The following NPEPL1 variants were observed in gnomAD, a reference collection of about 807,000 sequenced individuals.
NPEPL1 encodes the protein aminopeptidase like 1, also known as probable aminopeptidase NPEPL1.
A neutral mutation model predicts 52.4 loss-of-function variants in NPEPL1; 45 were observed. The ratio of observed to expected loss-of-function variants is 0.86; its 90% CI spans 0.68 to 1.10. NPEPL1 has a LOEUF of 1.10. Among genes scored for constraint, NPEPL1 ranks in the 50% least tolerant of loss-of-function variants. The probability of loss-of-function intolerance (pLI) is 0.00; values close to 1 mark genes in which losing one functional copy is unlikely to be tolerated. For synonymous variants in NPEPL1, 360 were observed against 314.7 expected, an observed-to-expected ratio of 1.14 and a Z score of -1.52; for missense variants, 696 against 710.9, an observed-to-expected ratio of 0.98 and a Z score of 0.24.
At chr20:58,708,679 T>C (rs1248145782) in intron 7 of NPEPL1, among the ~76,000 whole-genome samples, 3 of 152,308 alleles carry the variant, frequency 2.0e-5, no homozygotes, top group East Asian at 3.9e-4. Flanking sequence ...CCCAGCATCA[T>C]AGGCCACGGG....
chr20:58,704,028 A>G (rs928113286), intron 6 of NPEPL1: 18 of 985,256 alleles, frequency 1.8e-5, no homozygotes, highest in East Asian at 1.1e-4. Context: ...GAACCGTTCT[A>G]CGTGGATTTG....
upstream of NPEPL1, chr20:58,691,693 CTTT>C (rs11471424): frequency 0.021 from 11,671 of 557,476 alleles, 19 homozygotes; most frequent in East Asian, 0.028. Context: ...TTTTTCTTTT[CTTT>C]TTTTTTTTTT....
chr20:58,707,150 T>C lies in NPEPL1; in HGVS notation c.850T>C (p.Cys284Arg). 1.3e-6 allele frequency: 2 copies of C among 1,552,686 alleles called. No homozygotes were observed. The highest frequency in any genetic ancestry group is 1.7e-6 in the Non-Finnish European group (2 of 1,147,834). The change falls in exon 7 of 12, where the codon TGC becomes CGC. Residue 284 changes from cysteine to arginine, a missense_variant. Cys to Arg is a radical substitution (Grantham distance 180). Transcript: ENST00000356091. ...KTTMPGMKRD[C>R]GGAAAVLGAF... ...TACCATGCCGGGGATGAAGCGAGAC[T>C]GCGGGGGTGCTGCGGCCGTCCTGGG...
chr20:58,690,979 A>C (rs2084333323), upstream of NPEPL1: 1 of 635,758 alleles, frequency 1.6e-6, no homozygotes, highest in Non-Finnish European at 2.9e-6. Context: ...TTCTGTTCTA[A>C]CCACACAGGT....
chr20:58,691,891 C>G, upstream of NPEPL1: 1 of 1,045,800 alleles, frequency 9.6e-7, no homozygotes, highest in East Asian at 2.6e-5. Flanking sequence ...ATCGTCATTC[C>G]CTGACCCTTG....
chr20:58,706,269 C>T (rs1392496705), intron 6 of NPEPL1, among the ~76,000 whole-genome samples: 1 of 152,200 alleles, frequency 6.6e-6, no homozygotes, highest in African/African-American at 2.4e-5. Context: ...GCCCCTTCTT[C>T]TGGCGATAGA....
At position 58,713,805 on chromosome 20, in the gene NPEPL1, G is replaced by A. The variant is rs920708886; in HGVS notation, c.1126-112G>A. 4 of 1,239,886 alleles carry A rather than the reference G, an allele frequency of 3.2e-6. No homozygotes were observed. The African/African-American group carries it at 4.6e-5, about 14-fold the overall frequency. 76.8% of individuals were successfully genotyped at this position (1,239,886 alleles called of 1,614,324 possible). ...TGTGTTTTTTCTTTTTTTCTCAACC[G>A]TCTCTTTTCTGGCTCCCTTATTTCT... On this transcript the variant is annotated intron_variant, in intron 9 of 11. Coordinates refer to ENST00000356091, the MANE Select transcript of NPEPL1 (RefSeq NM_024663.4). The surrounding 1 kb of genome is among the most constrained non-coding windows in gnomAD (Gnocchi z 4.6).
chr20:58,695,649 C>T (rs1026717496), intron 3 of NPEPL1, among the ~76,000 whole-genome samples: 4 of 152,216 alleles, frequency 2.6e-5, no homozygotes, highest in Non-Finnish European at 5.9e-5. Context: ...GCACTTGGGC[C>T]ACACCTCATT....
rs1003660059 is a variant in NPEPL1, at chr20:58,703,459, T to G, written c.822+2301T>G. ...ACTGCCTGCACCTGGTACTGGCTGC[T>G]CCCACCCTCGCACGCACCCTCAATA... On this transcript the variant is annotated intron_variant, in intron 6 of 11. Transcript: ENST00000356091. 4 of 982,652 alleles carry G rather than the reference T, an allele frequency of 4.1e-6. No individual in the cohort carries two copies. In the African/African-American group the frequency reaches 7.3e-5, roughly 18 times the overall value. The allele number at this position is 982,652 out of a possible 1,614,324, so 60.9% of individuals were successfully genotyped here.
At chr20:58,690,665 C>G (rs554548860), upstream of NPEPL1, among the ~76,000 whole-genome samples, 1 of 152,332 alleles carries the variant, frequency 6.6e-6, no homozygotes, top group South Asian at 2.1e-4. Flanking sequence ...CTAACGTTTT[C>G]TCTTGCTTTG....
rs962252346 is a variant in NPEPL1 at position 58,699,350 on chromosome 20, C to T, written c.679+72C>T. 7.4e-5 allele frequency: 85 copies of T among 1,143,390 alleles called. 2 individuals carry two copies. In the South Asian group the frequency reaches 1.1e-3, roughly 15 times the overall value. 70.8% of individuals were successfully genotyped at this position (1,143,390 alleles called of 1,614,324 possible). A position where few individuals can be genotyped will look rare whatever the true frequency, so the allele number is the denominator to read the frequency against. ...CAGGGGCACTTGGGTGGCAGGGGGTCGGCGGGCCACATGGCACATTGTCCC... is the reference window on the plus strand; with the variant it reads ...CAGGGGCACTTGGGTGGCAGGGGGTTGGCGGGCCACATGGCACATTGTCCC... On this transcript the variant is annotated intron_variant, in intron 5 of 11. Transcript: ENST00000356091.
In NPEPL1 at chr20:58,713,416, C is replaced by G; in HGVS notation, c.1002-4C>G. ...CCTGAGCGGGGATCTCTACCATGCCCCAGGACGGTGGAAATCAACAACACG... is the reference window on the plus strand; with the variant it reads ...CCTGAGCGGGGATCTCTACCATGCCGCAGGACGGTGGAAATCAACAACACG... On this transcript the variant is annotated splice_polypyrimidine_tract_variant and splice_region_variant and intron_variant, in intron 8 of 11. Coordinates refer to ENST00000356091, the MANE Select transcript of NPEPL1 (RefSeq NM_024663.4). This position sits in a 1 kb window ranked among gnomAD's most constrained non-coding sequence, Gnocchi z 4.6. 6.2e-7 allele frequency: 1 copy of G among 1,602,646 alleles called. No individual in the cohort carries two copies. The highest frequency in any genetic ancestry group is 1.3e-5 in the African/African-American group (1 of 74,876).
Position 58,692,906 on chromosome 20 carries a change from G to T in NPEPL1, c.6G>T (p.Ala2=). M[A]NVGLQFQASA... ...GGGCGTGGGCCGGCAGGAAGATGGCGAACGTGGGGCTGCAGTTCCAGGCGA... is the reference window on the plus strand; with the variant it reads ...GGGCGTGGGCCGGCAGGAAGATGGCTAACGTGGGGCTGCAGTTCCAGGCGA... Residue 2 remains alanine (A), a synonymous_variant, in exon 1 of 12, where the codon GCG becomes GCT. Transcript: ENST00000356091. The surrounding 1 kb of genome is among the most constrained non-coding windows in gnomAD (Gnocchi z 5.7). 1 of 1,070,930 alleles carries T rather than the reference G, an allele frequency of 9.3e-7. No individual in the cohort carries two copies. Among genetic ancestry groups the T allele is most frequent in the East Asian group, 6.1e-5 (1 of 16,316 alleles). 66.3% of individuals were successfully genotyped at this position (1,070,930 alleles called of 1,614,324 possible).
chr20:58,702,733 ACTAT>A (rs1430326361), intron 6 of NPEPL1, among the ~76,000 whole-genome samples: 1 of 152,220 alleles, frequency 6.6e-6, no homozygotes, highest in Non-Finnish European at 1.5e-5. Flanking sequence ...GTCCAAGAAT[ACTAT>A]CTGTTAACTT....
chr20:58,695,070 G>GGT (rs2084443781), intron 3 of NPEPL1, among the ~76,000 whole-genome samples: 16 of 128,986 alleles, frequency 1.2e-4, no homozygotes, highest in East Asian at 4.7e-4. Context: ...GTGCATGAGT[G>GGT]GTGTGTGTGG....
chr20:58,699,329 G>T, intron 5 of NPEPL1, 51 bp downstream of exon 5: 2 of 1,436,810 alleles, frequency 1.4e-6, no homozygotes, highest in South Asian at 2.6e-5. Context: ...AGTGGCCAGG[G>T]GCACTTGGGT....
chr20:58,692,761 C>T (rs1007626497), upstream of NPEPL1: 62 of 954,576 alleles, frequency 6.5e-5, no homozygotes, highest in African/African-American at 8.0e-4. The surrounding 1 kb of genome is among the most constrained non-coding windows in gnomAD (Gnocchi z 5.7). Flanking sequence ...GCGAGCAGCC[C>T]GGAGCGGCGG....
chr20:58,694,023 C>A, intron 2 of NPEPL1, 101 bp downstream of exon 2: 1 of 1,174,154 alleles, frequency 8.5e-7, no homozygotes, highest in Admixed American at 2.5e-5. Context: ...AGCGCACGCC[C>A]AGAGGGCTGT....
At chr20:58,692,763 G>C (rs2084378434), upstream of NPEPL1, 1 of 957,320 alleles carries the variant, frequency 1.0e-6, no homozygotes, top group South Asian at 4.7e-5. This position sits in a 1 kb window ranked among gnomAD's most constrained non-coding sequence, Gnocchi z 5.7. Flanking sequence ...GAGCAGCCCG[G>C]AGCGGCGGGG....
Sources: gnomAD v4.1 joint callset for allele counts (sites outside exome capture counted in the v4.1 genomes callset) on GRCh38, gnomAD v4.1.1 for gene constraint, Gnocchi (gnomAD v3.1) non-coding constraint, MANE v1.5 for transcripts, NCBI Gene and HGNC (gene_info 2026-07-23, HGNC 2026-07-21) for gene names.